Variants in LRRTM4 observed in about 807,000 individuals in gnomAD.
LRRTM4 encodes the protein leucine-rich repeat transmembrane neuronal protein 4.
A neutral mutation model predicts 47.6 loss-of-function variants in LRRTM4; 25 were observed. The ratio of observed to expected loss-of-function variants is 0.53; its 90% confidence interval spans 0.38 to 0.73. LRRTM4 has a LOEUF of 0.73. Among genes scored for constraint, LRRTM4 ranks in the 30% least tolerant of loss-of-function variants. LRRTM4 has a pLI of 0.00. For missense variants in LRRTM4, 638 were observed against 713.4 expected (o/e 0.89, Z 1.20); for synonymous variants, 311 against 269.5 (o/e 1.15, Z -1.51).
intron 3 of LRRTM4, among the ~76,000 whole-genome samples, chr2:77,097,442 A>G (rs534478689): frequency 6.2e-4 from 95 of 152,136 alleles, no homozygotes; most frequent in African/African-American, 2.2e-3. Context: ...CTCCAATGAA[A>G]TTAAGCTTGT....
intron 3 of LRRTM4, among the ~76,000 whole-genome samples, chr2:76,805,196 A>C (rs150010477): frequency 0.018 from 2,705 of 152,216 alleles, 31 homozygotes; most frequent in Non-Finnish European, 0.026. Context: ...AGAATATCCT[A>C]ATGAAATTCC....
chr2:77,143,469 G>C (rs1486543932), intron 3 of LRRTM4, among the ~76,000 whole-genome samples: 1 of 152,050 alleles, frequency 6.6e-6, no homozygotes, highest in African/African-American at 2.4e-5. Flanking sequence ...TTTCTTTCTT[G>C]GTAGTGGTAA....
intron 3 of LRRTM4, among the ~76,000 whole-genome samples, chr2:76,945,581 T>C (rs904128150): frequency 2.0e-5 from 3 of 152,046 alleles, no homozygotes; most frequent in Non-Finnish European, 2.9e-5. Flanking sequence ...AACCTAAATA[T>C]ATATTAGAGA....
At chr2:77,240,840 A>C (rs745568617) in intron 3 of LRRTM4, among the ~76,000 whole-genome samples, 5 of 151,982 alleles carry the variant, frequency 3.3e-5, no homozygotes, top group Non-Finnish European at 2.9e-5. Context: ...ATTAATTATT[A>C]AGGTAACAAA....
intron 3 of LRRTM4, among the ~76,000 whole-genome samples, chr2:76,997,661 G>A (rs919034380): frequency 6.6e-6 from 1 of 152,066 alleles, no homozygotes; most frequent in African/African-American, 2.4e-5. Flanking sequence ...GACAGAGCTA[G>A]AGAAAATTGA....
chr2:77,434,665 A>G (rs1046256592), intron 3 of LRRTM4, among the ~76,000 whole-genome samples: 5 of 152,214 alleles, frequency 3.3e-5, no homozygotes, highest in African/African-American at 1.2e-4. Flanking sequence ...TTTGGTGTTC[A>G]GTACTTTGCA....
At chr2:77,122,622 G>A (rs945000153) in intron 3 of LRRTM4, among the ~76,000 whole-genome samples, 14 of 151,506 alleles carry the variant, frequency 9.2e-5, no homozygotes, top group African/African-American at 2.7e-4. Flanking sequence ...CTGCATATGT[G>A]TGGCTCAGAA....
rs530193415 is a variant in LRRTM4 at position 77,033,906 on chromosome 2, A to T, written c.1552-284990T>A. Among the ~76,000 whole-genome samples, 25 of 151,992 alleles carry T rather than the reference A, an allele frequency of 1.6e-4. No individual in the cohort carries two copies. In the South Asian group the frequency reaches 5.0e-3, roughly 30 times the overall value. On this transcript the variant is annotated intron_variant, in intron 3 of 3. Transcript: ENST00000409884. Reference sequence around the variant, plus strand: ...CAGATGTTCAGATCATAATAGTTTTATATGTTCCTTACTTTGCGAGCTGTA... The same window carrying T: ...CAGATGTTCAGATCATAATAGTTTTTTATGTTCCTTACTTTGCGAGCTGTA...
chr2:76,979,509 A>G (rs927565228), intron 3 of LRRTM4, among the ~76,000 whole-genome samples: 7 of 140,492 alleles, frequency 5.0e-5, no homozygotes, highest in African/African-American at 1.2e-4. Context: ...CAGACAATGC[A>G]TATCTAATTC....
chr2:76,796,254 T>C (rs1675317843), intron 3 of LRRTM4, among the ~76,000 whole-genome samples: 2 of 99,382 alleles, frequency 2.0e-5, no homozygotes, highest in South Asian at 3.5e-4. Flanking sequence ...GTGCCCGCCA[T>C]TGAACAGGCT....
At chr2:77,389,224 T>C (rs961356956) in intron 3 of LRRTM4, among the ~76,000 whole-genome samples, 4 of 152,038 alleles carry the variant, frequency 2.6e-5, no homozygotes, top group Non-Finnish European at 5.9e-5. Context: ...ATTATACCTA[T>C]ATTTTAATAT....
chr2:77,219,748 G>A (rs1203715822), intron 3 of LRRTM4, among the ~76,000 whole-genome samples: 1 of 152,158 alleles, frequency 6.6e-6, no homozygotes, highest in East Asian at 1.9e-4. Context: ...GGTCACTTTG[G>A]TGGCAATAAC....
intron 3 of LRRTM4, among the ~76,000 whole-genome samples, chr2:77,300,141 C>T (rs1258300775): frequency 1.3e-5 from 2 of 152,076 alleles, no homozygotes; most frequent in Admixed American, 6.6e-5. Flanking sequence ...AGAGCCACTG[C>T]ACCTGGCCAA....
At chr2:77,202,651 C>T (rs1674009430) in intron 3 of LRRTM4, among the ~76,000 whole-genome samples, 1 of 151,738 alleles carries the variant, frequency 6.6e-6, no homozygotes, top group South Asian at 2.1e-4. Flanking sequence ...AGCTTTGTAA[C>T]TCACTGTGCT....
At chr2:77,443,545 T>C (rs1675928746) in intron 3 of LRRTM4, among the ~76,000 whole-genome samples, 1 of 152,206 alleles carries the variant, frequency 6.6e-6, no homozygotes, top group Admixed American at 6.5e-5. Flanking sequence ...TAAGTTTTAT[T>C]GCTTTTATCA....
At chr2:76,755,921 T>C (rs1673013699) in intron 3 of LRRTM4, among the ~76,000 whole-genome samples, 1 of 151,630 alleles carries the variant, frequency 6.6e-6, no homozygotes, top group South Asian at 2.1e-4. Flanking sequence ...AAACAGGAGG[T>C]CAGACATGCC....
chr2:76,939,113 A>C (rs1675049474), intron 3 of LRRTM4, among the ~76,000 whole-genome samples: 2 of 151,820 alleles, frequency 1.3e-5, no homozygotes, highest in Admixed American at 1.3e-4. Context: ...GGTGGGAATA[A>C]TACTTTTTAG....
intron 3 of LRRTM4, among the ~76,000 whole-genome samples, chr2:77,045,036 G>C (rs1441485168): frequency 6.6e-6 from 1 of 151,806 alleles, no homozygotes; most frequent in South Asian, 2.1e-4. Flanking sequence ...TGAGGTACCT[G>C]CCTTTTAAAT....
intron 3 of LRRTM4, among the ~76,000 whole-genome samples, chr2:77,166,606 A>C (rs1305197688): frequency 6.6e-6 from 1 of 152,164 alleles, no homozygotes; most frequent in Non-Finnish European, 1.5e-5. Flanking sequence ...ACCAAAACAG[A>C]GATATAGACC....
Sources: allele counts gnomAD v4.1 joint callset (sites outside exome capture counted in the v4.1 genomes callset), GRCh38; gene constraint gnomAD v4.1.1; transcripts MANE v1.5; gene names NCBI Gene and HGNC (gene_info 2026-07-23, HGNC 2026-07-21).